DNAH5: variants seen among roughly 807,000 people sequenced by gnomAD.
The protein encoded by DNAH5 is dynein axonemal heavy chain 5, also known as axonemal beta dynein heavy chain 5.
A neutral mutation model predicts 518.2 loss-of-function variants in DNAH5; 372 were observed. That is an observed-to-expected ratio of 0.72 (90% CI 0.66 to 0.78). The LOEUF (loss-of-function observed/expected upper bound fraction) is 0.78. Ranked by LOEUF, DNAH5 falls within the 30% of genes least tolerant of loss-of-function variation. The pLI is 0.00. For missense variants in DNAH5, 5,523 were observed against 5,687.0 expected, an observed-to-expected ratio of 0.97 and a Z score of 0.93; for synonymous variants, 2,039 against 2,025.9, an observed-to-expected ratio of 1.01 and a Z score of -0.17.
At chr5:13,870,741 A>G in intron 24 of DNAH5, 26 bp downstream of exon 24, 1 of 1,576,884 alleles carries the variant, frequency 6.3e-7, no homozygotes, top group South Asian at 1.1e-5. Context: ...AAATATTTCT[A>G]TAATGAACAA....
chr5:13,829,686 G>A lies in DNAH5; in HGVS notation c.6268C>T (p.Arg2090Trp), dbSNP rs774191944. ...FLTMNPGYAG[R>W]QELPENLKIN... ...TTCAAGTTTTCAGGGAGTTCCTGCCGTCCGGCATAGCCAGGATTCTAAACA... is the reference window on the plus strand; with the variant it reads ...TTCAAGTTTTCAGGGAGTTCCTGCCATCCGGCATAGCCAGGATTCTAAACA... Residue 2090 changes from arginine (R) to tryptophan (W), a missense_variant, in exon 38 of 79, where the codon CGG (arginine) becomes TGG (tryptophan). Transcript: ENST00000265104. 5.6e-6 allele frequency: 9 copies of A among 1,614,042 alleles called. No homozygotes were observed. The highest frequency in any genetic ancestry group is 1.3e-5 in the African/African-American group (1 of 75,022).
chr5:14,011,090 G>A (rs1269641090), intron 1 of DNAH5, among the ~76,000 whole-genome samples: 3 of 151,576 alleles, frequency 2.0e-5, no homozygotes, highest in African/African-American at 4.8e-5. Flanking sequence ...GATGCGCACC[G>A]AGGCAAATGT....
chr5:13,742,361 G>C (rs1410831776), intron 65 of DNAH5, among the ~76,000 whole-genome samples: 1 of 131,262 alleles, frequency 7.6e-6, no homozygotes, highest in Non-Finnish European at 1.7e-5. Flanking sequence ...TGTCATTCAT[G>C]GACTACTCTA....
At position 13,928,140 on chromosome 5, in the gene DNAH5, G is replaced by A; in HGVS notation, c.231C>T (p.Leu77=). Reference sequence around the variant, plus strand: ...CTTGATAGTAAAACATGAGGTGTCGGAGACCTCCAACAGCAAAAAGTTGAT... The same window carrying A: ...CTTGATAGTAAAACATGAGGTGTCGAAGACCTCCAACAGCAAAAAGTTGAT... ...RIDQLFAVGG[L]RHLMFYYQDV... The change falls in exon 3 of 79, where the codon CTC becomes CTT. Residue 77 remains leucine, a synonymous_variant. Transcript: ENST00000265104. 6.2e-7 allele frequency: 1 copy of A among 1,613,916 alleles called. No individual in the cohort carries two copies. The highest frequency in any genetic ancestry group is 1.1e-5 in the South Asian group (1 of 91,064).
chr5:13,934,238 C>A (rs561916102), intron 1 of DNAH5, among the ~76,000 whole-genome samples: 1 of 152,086 alleles, frequency 6.6e-6, no homozygotes, highest in African/African-American at 2.4e-5. Context: ...TCTAGCTGAC[C>A]CCAGCACCAA....
intron 31 of DNAH5, among the ~76,000 whole-genome samples, chr5:13,849,772 C>A (rs967514309): frequency 6.6e-6 from 1 of 152,168 alleles, no homozygotes; most frequent in African/African-American, 2.4e-5. Context: ...CAAGTACCCT[C>A]TTACAGGTCT....
At chr5:13,835,228 G>T (rs1764210293) in intron 35 of DNAH5, among the ~76,000 whole-genome samples, 1 of 151,250 alleles carries the variant, frequency 6.6e-6, no homozygotes, top group Non-Finnish European at 1.5e-5. Context: ...GCGGTGAGCG[G>T]AGATCGCACC....
At chr5:13,854,130 C>T (rs1767269467) in intron 30 of DNAH5, among the ~76,000 whole-genome samples, 1 of 152,110 alleles carries the variant, frequency 6.6e-6, no homozygotes, top group Non-Finnish European at 1.5e-5. Flanking sequence ...AGAGAAATGT[C>T]GGGTTACCCA....
chr5:13,962,063 T>C (rs1781222593), intron 1 of DNAH5, among the ~76,000 whole-genome samples: 1 of 152,206 alleles, frequency 6.6e-6, no homozygotes, highest in Non-Finnish European at 1.5e-5. Flanking sequence ...ATTTAACATA[T>C]ACAATTTCAT....
intron 47 of DNAH5, among the ~76,000 whole-genome samples, chr5:13,805,233 C>T (rs1174126610): frequency 6.6e-6 from 1 of 152,198 alleles, no homozygotes; most frequent in Admixed American, 6.5e-5. Context: ...GGCACAGTGA[C>T]TCACGCCTGT....
chr5:13,859,657 T>C (rs1165555861), intron 29 of DNAH5, 52 bp from the exon 30 acceptor site: 1 of 1,562,658 alleles, frequency 6.4e-7, no homozygotes, highest in South Asian at 1.1e-5. Flanking sequence ...TGTGCTGTTG[T>C]TTCAAATTAA....
intron 1 of DNAH5, among the ~76,000 whole-genome samples, chr5:13,951,212 T>G (rs1286647132): frequency 1.1e-3 from 12 of 10,734 alleles, no homozygotes; most frequent in African/African-American, 2.0e-3. Flanking sequence ...TTTTTCGTTT[T>G]TTTTTTTTTT....
chr5:13,700,636 T>G lies in DNAH5; in HGVS notation c.13723+4A>C, dbSNP rs1432827681. The G allele has an allele frequency of 6.2e-7, 1 of 1,613,398 alleles. No individual in the cohort carries two copies. Among genetic ancestry groups the G allele is most frequent in the African/African-American group, 1.3e-5 (1 of 75,030 alleles). On this transcript the variant is annotated splice_donor_region_variant and intron_variant, in intron 78 of 78. Coordinates refer to ENST00000265104, the MANE Select transcript of DNAH5 (RefSeq NM_001369.3). ...GCCCTTACTGAAGGTACAAGACAAC[T>G]TACTATTGTTTTCTGCATAAATCCT...
In DNAH5 at chr5:13,901,240, T is replaced by G. The variant is rs1164455807; in HGVS notation, c.2052+12A>C. 1 of 1,611,840 alleles carries G rather than the reference T, an allele frequency of 6.2e-7. No individual in the cohort carries two copies. Among genetic ancestry groups the G allele is most frequent in the Admixed American group, 1.7e-5 (1 of 59,996 alleles). Reference sequence around the variant, plus strand: ...TTCCAACAATGGGAAGAGTATAAATTTAGGGACTCACTTGCCGAAGCCACG... The same window carrying G: ...TTCCAACAATGGGAAGAGTATAAATGTAGGGACTCACTTGCCGAAGCCACG... On this transcript the variant is annotated intron_variant, in intron 14 of 78. Transcript: ENST00000265104.
At chr5:13,779,938 G>A (rs1267332232) in intron 53 of DNAH5, among the ~76,000 whole-genome samples, 1 of 152,000 alleles carries the variant, frequency 6.6e-6, no homozygotes, top group Non-Finnish European at 1.5e-5. Context: ...TACATAAAAT[G>A]TACCTGACAT....
intron 3 of DNAH5, among the ~76,000 whole-genome samples, chr5:13,927,362 C>T (rs4701592): frequency 0.64 from 96,969 of 151,892 alleles, 31,366 homozygotes; most frequent in East Asian, 0.94. Flanking sequence ...CGTGGTGGCG[C>T]GCACCTGTAG....
In DNAH5 at chr5:13,762,810, C is replaced by T. The variant is rs201554319; in HGVS notation, c.10193G>A (p.Arg3398His). ...MPDYNIETAK[R>H]VCGNVAGLCS... The stretch of plus-strand genomic sequence containing the variant: ...AAGACCAGCTACATTTCCACATACG[C>T]GTTTAGCAGTTTCGATGTTATAGTC... Residue 3398 changes from arginine (R) to histidine (H), a missense_variant, in exon 60 of 79, where the codon CGC (arginine) becomes CAC (histidine). Coordinates refer to ENST00000265104, the MANE Select transcript of DNAH5 (RefSeq NM_001369.3). 3.5e-5 allele frequency: 56 copies of T among 1,614,080 alleles called. No individual in the cohort carries two copies. In the South Asian group the frequency reaches 4.3e-4, roughly 12 times the overall value.
At position 13,922,184 on chromosome 5, in the gene DNAH5, T is replaced by A; in HGVS notation, c.583A>T (p.Ile195Phe). 6.2e-7 allele frequency: 1 copy of A among 1,614,084 alleles called. No homozygotes were observed. Among genetic ancestry groups the A allele is most frequent in the African/African-American group, 1.3e-5 (1 of 75,024 alleles). The stretch of plus-strand genomic sequence containing the variant: ...AGGGAGCTCAAGAACTCCTGGCGAA[T>A]GTTAGCTGCGTCCTGAAGGCCCTCG... ...ELEGLQDAAN[I>F]RQEFLSSLEG... Residue 195 changes from isoleucine (I) to phenylalanine (F), a missense_variant, in exon 5 of 79, where the codon ATT becomes TTT. Transcript: ENST00000265104.
chr5:13,810,700 G>A (rs1760543797), intron 44 of DNAH5, among the ~76,000 whole-genome samples: 2 of 151,596 alleles, frequency 1.3e-5, no homozygotes, highest in South Asian at 2.1e-4. Context: ...CTTGCAGTGA[G>A]CCAAGATGGC....
Sources: gnomAD v4.1 joint callset for allele counts (sites outside exome capture counted in the v4.1 genomes callset) on GRCh38, gnomAD v4.1.1 for gene constraint, MANE v1.5 for transcripts, NCBI Gene and HGNC (gene_info 2026-07-23, HGNC 2026-07-21) for gene names.